The following SPATA31D1 variants were observed in gnomAD, a reference collection of about 807,000 sequenced individuals.
SPATA31D1 encodes the protein spermatogenesis-associated protein 31D1.
Under a neutral mutation model 13.2 loss-of-function variants are expected in SPATA31D1, and 6 were observed. That is an observed-to-expected ratio of 0.46 (90% CI 0.25 to 0.90). The LOEUF (loss-of-function observed/expected upper bound fraction) is 0.90. Among genes scored for constraint, SPATA31D1 ranks in the 40% least tolerant of loss-of-function variants. The pLI, the probability that SPATA31D1 is intolerant of heterozygous loss-of-function variation, is 0.18. For synonymous variants in SPATA31D1, 903 were observed against 718.8 expected, an observed-to-expected ratio of 1.26 and a Z score of -4.10; for missense variants, 2,445 against 1,884.7, an observed-to-expected ratio of 1.30 and a Z score of -5.50.
At position 81,991,036 on chromosome 9, in the gene SPATA31D1, G is replaced by C. The variant is rs34585554; in HGVS notation, c.566G>C (p.Arg189Pro). Residue 189 changes from arginine to proline, a missense_variant, in exon 4 of 4, where the codon CGG becomes CCG. Coordinates refer to ENST00000344803, the MANE Select transcript of SPATA31D1 (RefSeq NM_001001670.3). ...TPPEDLILSP[R>P]PKASPPPPLI... The stretch of plus-strand genomic sequence containing the variant: ...CCAGAAGACCTAATACTGTCCCCTC[G>C]GCCTAAGGCCTCTCCACCACCCCCC... The C allele has an allele frequency of 1.2e-6, 2 of 1,613,266 alleles. No individual in the cohort carries two copies. Among genetic ancestry groups the C allele is most frequent in the Admixed American group, 1.7e-5 (1 of 59,952 alleles).
chr9:81,994,839 T>C lies in SPATA31D1; in HGVS notation c.4369T>C (p.Cys1457Arg). The C allele has an allele frequency of 1.2e-6, 2 of 1,613,980 alleles. No homozygotes were observed. Among genetic ancestry groups the C allele is most frequent in the Non-Finnish European group, 1.7e-6 (2 of 1,179,882 alleles). The change falls in exon 4 of 4, where the codon TGT becomes CGT. Residue 1457 changes from cysteine (C) to arginine (R), a missense_variant. Transcript: ENST00000344803. The part of the protein sequence containing the change: ...VHVRAEPVQG[C>R]PCNYRAPSCK... ...TGTCAGAGCAGAGCCTGTCCAGGGCTGTCCCTGCAACTACAGGGCTCCCTC... is the reference window on the plus strand; with the variant it reads ...TGTCAGAGCAGAGCCTGTCCAGGGCCGTCCCTGCAACTACAGGGCTCCCTC...
In SPATA31D1 at chr9:81,988,776, C is replaced by A. The variant is rs1175826210; in HGVS notation, c.-43C>A. 1.2e-6 allele frequency: 2 copies of A among 1,611,658 alleles called. No individual in the cohort carries two copies. Among genetic ancestry groups the A allele is most frequent in the Non-Finnish European group, 1.7e-6 (2 of 1,179,558 alleles). On this transcript the variant is annotated 5_prime_UTR_variant, in exon 1 of 4. Coordinates refer to ENST00000344803, the MANE Select transcript of SPATA31D1 (RefSeq NM_001001670.3). ...CTGTGCTTATAGTTAAGCCTGGGCA[C>A]CCTCAGTGCTCAGTTGCTTCAGGCA...
rs769859198 is a variant in SPATA31D1, at chr9:81,994,226, C to G, written c.3756C>G (p.Ser1252=). 6.2e-7 allele frequency: 1 copy of G among 1,613,836 alleles called. No homozygotes were observed. Residue 1252 remains serine, a synonymous_variant, in exon 4 of 4, where the codon TCC becomes TCG. Transcript: ENST00000344803. ...TCTCGAGTGGGGACATGGGAACTTC[C>G]CAGGTGGTGCATGTCCACTTGGAGG... ...QGISSGDMGT[S]QVVHVHLEDS...
chr9:81,993,983 G>A lies in SPATA31D1; in HGVS notation c.3513G>A (p.Leu1171=). ...CCAGCAAGTCAGGAAGCTGCTCACT[G>A]ACAAATGTGAAAGCAAGCACTTCCA... The part of the protein sequence containing the change: ...LTTSKSGSCS[L]TNVKASTSNE... The change falls in exon 4 of 4, where the codon CTG becomes CTA. Residue 1171 remains leucine, a synonymous_variant. Transcript: ENST00000344803. 1 of 1,613,756 alleles carries A rather than the reference G, an allele frequency of 6.2e-7. No individual in the cohort carries two copies. Among genetic ancestry groups the A allele is most frequent in the South Asian group, 1.1e-5 (1 of 91,050 alleles).
rs1434590164 is a variant in SPATA31D1, at chr9:81,993,942, A to G, written c.3472A>G (p.Arg1158Gly). Residue 1158 changes from arginine to glycine, a missense_variant, in exon 4 of 4, where the codon AGG becomes GGG. Coordinates refer to ENST00000344803, the MANE Select transcript of SPATA31D1 (RefSeq NM_001001670.3). The part of the protein sequence containing the change: ...PVTNALQSQT[R>G]NNLTTSKSGS... ...CACCAATGCTCTTCAATCACAAACT[A>G]GGAACAACTTGACAACCAGCAAGTC... The G allele has an allele frequency of 6.2e-7, 1 of 1,613,918 alleles. No homozygotes were observed. Among genetic ancestry groups the G allele is most frequent in the East Asian group, 2.2e-5 (1 of 44,880 alleles).
In SPATA31D1 at chr9:81,992,462, C is replaced by T. The variant is rs777382775; in HGVS notation, c.1992C>T (p.Phe664=). ...ATCCTGAATTGGTCAGAAAGTCCTT[C>T]AAGGTCCATGTTCCGATCTCCATCA... is the stretch of plus-strand genomic sequence containing the variant. ...APNPELVRKS[F]KVHVPISIIP... is the part of the protein sequence containing the mutation. Residue 664 remains phenylalanine (F), a synonymous_variant, in exon 4 of 4, where the codon TTC becomes TTT. Coordinates refer to ENST00000344803, the MANE Select transcript of SPATA31D1 (RefSeq NM_001001670.3). The T allele has an allele frequency of 5.6e-6, 9 of 1,612,324 alleles. No homozygotes were observed. The African/African-American group carries it at 6.7e-5, about 12-fold the overall frequency.
chr9:81,987,795 A>G (rs1449645923), upstream of SPATA31D1, among the ~76,000 whole-genome samples: 1 of 152,216 alleles, frequency 6.6e-6, no homozygotes, highest in East Asian at 1.9e-4. Flanking sequence ...ATTAAAAAAC[A>G]ACAACAACAA....
chr9:81,988,877 C>T lies in SPATA31D1; in HGVS notation c.59C>T (p.Ser20Leu), dbSNP rs1246506385. The change falls in exon 1 of 4, where the codon TCA (serine) becomes TTA (leucine). Residue 20 changes from serine to leucine, a missense_variant. Physicochemically the swap from Ser to Leu is moderately radical, Grantham distance 145 (BLOSUM62 -2). Coordinates refer to ENST00000344803, the MANE Select transcript of SPATA31D1 (RefSeq NM_001001670.3). ...ACTGAGACAGGGCTGAGCCCTGACT[C>T]ACATTGGTTGGATATCGACCCCAAC... ...SYTETGLSPD[S>L]HWLDIDPNFI... 3 of 1,612,972 alleles carry T rather than the reference C, an allele frequency of 1.9e-6. No homozygotes were observed. Among genetic ancestry groups the T allele is most frequent in the Non-Finnish European group, 2.5e-6 (3 of 1,179,718 alleles).
rs1338075967 is a variant in SPATA31D1, at chr9:81,994,277, G to C, written c.3807G>C (p.Lys1269Asn). 1 of 1,614,008 alleles carries C rather than the reference G, an allele frequency of 6.2e-7. No homozygotes were observed. The highest frequency in any genetic ancestry group is 8.5e-7 in the Non-Finnish European group (1 of 1,179,886). Reference protein sequence around the residue: ...LEDSGIRVAQKQEPRVPTCVL... With the variant: ...LEDSGIRVAQNQEPRVPTCVL... ...ACAGCGGAATCCGTGTGGCACAGAA[G>C]CAGGAGCCCAGGGTCCCTACCTGTG... The change falls in exon 4 of 4, where the codon AAG becomes AAC. Residue 1269 changes from lysine to asparagine, a missense_variant. Transcript: ENST00000344803.
In SPATA31D1 at chr9:81,994,450, C is replaced by A; in HGVS notation, c.3980C>A (p.Thr1327Lys). 1 of 1,613,574 alleles carries A rather than the reference C, an allele frequency of 6.2e-7. No homozygotes were observed. The highest frequency in any genetic ancestry group is 8.5e-7 in the Non-Finnish European group (1 of 1,179,666). ...RRKSLPVHNK[T>K]SGEVLGSKSS... ...AAGAGCCTCCCTGTTCATAACAAGA[C>A]ATCAGGGGAGGTGCTTGGGAGCAAA... The change falls in exon 4 of 4, where the codon ACA becomes AAA. Residue 1327 changes from threonine (T) to lysine (K), a missense_variant. Thr to Lys is a moderately conservative substitution (Grantham distance 78). Transcript: ENST00000344803.
In SPATA31D1 at chr9:81,995,187, C is replaced by T. The variant is rs1222043955; in HGVS notation, c.4717C>T (p.Pro1573Ser). 1.3e-6 allele frequency: 2 copies of T among 1,526,390 alleles called. No individual in the cohort carries two copies. Among genetic ancestry groups the T allele is most frequent in the Non-Finnish European group, 1.8e-6 (2 of 1,135,410 alleles). The allele number at this position is 1,526,390 out of a possible 1,614,324, so 94.6% of individuals were successfully genotyped here. ...LPKHLQGGKFPPTK is the reference protein window; with the variant it reads ...LPKHLQGGKFSPTK ...AAAGCATTTACAGGGAGGAAAATTT[C>T]CCCCCACAAAATAATTCACTCCTTG... Residue 1573 changes from proline to serine, a missense_variant, in exon 4 of 4, where the codon CCC (proline) becomes TCC (serine). Pro to Ser is a moderately conservative substitution (Grantham distance 74). Coordinates refer to ENST00000344803, the MANE Select transcript of SPATA31D1 (RefSeq NM_001001670.3).
At chr9:81,990,531 C>T (rs369026620) in intron 3 of SPATA31D1, 45 bp downstream of exon 3, 10 of 1,532,346 alleles carry the variant, frequency 6.5e-6, no homozygotes, top group Non-Finnish European at 8.9e-6. Flanking sequence ...CCCACTCCTT[C>T]TTCTTTAGTA....
rs776726585 is a variant in SPATA31D1, at chr9:81,991,392, G to A, written c.922G>A (p.Asp308Asn). 6.2e-7 allele frequency: 1 copy of A among 1,614,044 alleles called. No individual in the cohort carries two copies. The highest frequency in any genetic ancestry group is 1.3e-5 in the African/African-American group (1 of 75,068). The change falls in exon 4 of 4, where the codon GAT (aspartate) becomes AAT (asparagine). Residue 308 changes from aspartate to asparagine, a missense_variant. Transcript: ENST00000344803. ...PPIPSALPPE[D>N]CTVTQSKSSL... ...AATCCCATCTGCTTTACCACCGGAAGATTGCACTGTGACTCAGTCTAAATC... is the reference window on the plus strand; with the variant it reads ...AATCCCATCTGCTTTACCACCGGAAAATTGCACTGTGACTCAGTCTAAATC...
At position 81,993,080 on chromosome 9, in the gene SPATA31D1, A is replaced by G. The variant is rs545767251; in HGVS notation, c.2610A>G (p.Gln870=). 9.3e-6 allele frequency: 15 copies of G among 1,613,786 alleles called. No individual in the cohort carries two copies. In the South Asian group the frequency reaches 1.6e-4, roughly 18 times the overall value. Residue 870 remains glutamine (Q), a synonymous_variant, in exon 4 of 4, where the codon CAA becomes CAG. Transcript: ENST00000344803. The part of the protein sequence containing the change: ...TMSLPEKSHS[Q]IKHRNLVTLV... Reference sequence around the variant, plus strand: ...CTCTTCCTGAGAAATCCCACAGCCAAATTAAACATCGAAATCTGGTAACAT... The same window carrying G: ...CTCTTCCTGAGAAATCCCACAGCCAGATTAAACATCGAAATCTGGTAACAT...
rs1564174769 is a variant in SPATA31D1, at chr9:81,992,786, T to C, written c.2316T>C (p.Tyr772=). Residue 772 remains tyrosine, a synonymous_variant, in exon 4 of 4, where the codon TAT becomes TAC. Transcript: ENST00000344803. ...TTTCCATGGAGAATGTGGGGAATTATCAGGGATACAGCCAGGAGACTGTCC... is the reference window on the plus strand; with the variant it reads ...TTTCCATGGAGAATGTGGGGAATTACCAGGGATACAGCCAGGAGACTGTCC... ...NMLSMENVGN[Y]QGYSQETVPK... 6 of 1,613,814 alleles carry C rather than the reference T, an allele frequency of 3.7e-6. No individual in the cohort carries two copies. The highest frequency in any genetic ancestry group is 5.1e-6 in the Non-Finnish European group (6 of 1,179,712).
rs769859198 is a variant in SPATA31D1 at position 81,994,226 on chromosome 9, C to A, written c.3756C>A (p.Ser1252=). Reference sequence around the variant, plus strand: ...TCTCGAGTGGGGACATGGGAACTTCCCAGGTGGTGCATGTCCACTTGGAGG... The same window carrying A: ...TCTCGAGTGGGGACATGGGAACTTCACAGGTGGTGCATGTCCACTTGGAGG... ...QGISSGDMGT[S]QVVHVHLEDS... is the part of the protein sequence containing the mutation. The change falls in exon 4 of 4, where the codon TCC becomes TCA. Residue 1252 remains serine, a synonymous_variant. Coordinates refer to ENST00000344803, the MANE Select transcript of SPATA31D1 (RefSeq NM_001001670.3). The A allele has an allele frequency of 6.2e-7, 1 of 1,613,954 alleles. No individual in the cohort carries two copies. The highest frequency in any genetic ancestry group is 8.5e-7 in the Non-Finnish European group (1 of 1,179,890).
Position 81,991,331 on chromosome 9 carries a change from TC to T in SPATA31D1, c.864del (p.Ile289LeufsTer23), listed in dbSNP as rs772271242. 3.1e-6 allele frequency: 5 copies of T among 1,613,946 alleles called. No homozygotes were observed. The highest frequency in any genetic ancestry group is 4.2e-6 in the Non-Finnish European group (5 of 1,179,910). ...LCQDISQAMN[P>X]IDSCARHHGP... ...GCCAAGATATTTCGCAGGCCATGAATCCCATTGATTCTTGTGCTCGTCATCA... is the reference window on the plus strand; with the variant it reads ...GCCAAGATATTTCGCAGGCCATGAATCCATTGATTCTTGTGCTCGTCATCA... On this transcript the variant is annotated frameshift_variant, in exon 4 of 4. Transcript: ENST00000344803. LOFTEE classifies it low-confidence loss of function (END_TRUNC).
chr9:81,994,277 G>T lies in SPATA31D1; in HGVS notation c.3807G>T (p.Lys1269Asn). Residue 1269 changes from lysine (K) to asparagine (N), a missense_variant, in exon 4 of 4, where the codon AAG (lysine) becomes AAT (asparagine). By Grantham distance (94) the Lys-to-Asn change is moderately conservative (BLOSUM62 0). Transcript: ENST00000344803. ...LEDSGIRVAQ[K>N]QEPRVPTCVL... The stretch of plus-strand genomic sequence containing the variant: ...ACAGCGGAATCCGTGTGGCACAGAA[G>T]CAGGAGCCCAGGGTCCCTACCTGTG... The T allele has an allele frequency of 2.5e-6, 4 of 1,614,008 alleles. No homozygotes were observed. Among genetic ancestry groups the T allele is most frequent in the Non-Finnish European group, 3.4e-6 (4 of 1,179,886 alleles).
In SPATA31D1 at chr9:81,989,021, G is replaced by A; in HGVS notation, c.186+17G>A. ...ATCCAAAAGGTAAGGAACTGTGGGT[G>A]AACACCCAAGAGAGATGCCCTGTTG... On this transcript the variant is annotated intron_variant, in intron 1 of 3. Coordinates refer to ENST00000344803, the MANE Select transcript of SPATA31D1 (RefSeq NM_001001670.3). 1 of 1,610,648 alleles carries A rather than the reference G, an allele frequency of 6.2e-7. No homozygotes were observed. Among genetic ancestry groups the A allele is most frequent in the Non-Finnish European group, 8.5e-7 (1 of 1,179,106 alleles).
Sources: allele counts gnomAD v4.1 joint callset (sites outside exome capture counted in the v4.1 genomes callset), GRCh38; gene constraint gnomAD v4.1.1; transcripts MANE v1.5; gene names NCBI Gene and HGNC (gene_info 2026-07-23, HGNC 2026-07-21).